The following WDR19 variants were observed in gnomAD, a reference collection of about 807,000 sequenced individuals.
WDR19 encodes the protein WD repeat domain 19.
WDR19 carries 121 observed loss-of-function variants against 180.0 expected under a neutral mutation model. That is an observed-to-expected ratio of 0.67 (90% CI 0.58 to 0.78). WDR19 has a LOEUF of 0.78. Ranked by LOEUF, WDR19 falls within the 30% of genes least tolerant of loss-of-function variation. The pLI is 0.00. For missense variants in WDR19, 1,450 were observed against 1,640.7 expected, an observed-to-expected ratio of 0.88 and a Z score of 2.01; for synonymous variants, 497 against 540.7, an observed-to-expected ratio of 0.92 and a Z score of 1.12.
Position 39,199,675 on chromosome 4 carries a change from C to T in WDR19, c.522+82C>T. Reference sequence around the variant, plus strand: ...AGTTTGTCTGTCAAACTAATCTATACAATTTTTAAAAATCTATATGTGAGG... The same window carrying T: ...AGTTTGTCTGTCAAACTAATCTATATAATTTTTAAAAATCTATATGTGAGG... On this transcript the variant is annotated intron_variant, in intron 6 of 36. Coordinates refer to ENST00000399820, the MANE Select transcript of WDR19 (RefSeq NM_025132.4). 2.6e-6 allele frequency: 3 copies of T among 1,152,018 alleles called. No homozygotes were observed. The South Asian group carries it at 4.2e-5, about 16-fold the overall frequency. The allele number at this position is 1,152,018 out of a possible 1,614,324, so 71.4% of individuals were successfully genotyped here.
chr4:39,260,958 G>A (rs573666883), intron 28 of WDR19, among the ~76,000 whole-genome samples: 1 of 152,120 alleles, frequency 6.6e-6, no homozygotes, highest in South Asian at 2.1e-4. Flanking sequence ...GGGATGTAGG[G>A]GGACACAAAC....
At chr4:39,203,878 G>T (rs1416955737) in intron 7 of WDR19, among the ~76,000 whole-genome samples, 156 bp downstream of exon 7, 1 of 152,208 alleles carries the variant, frequency 6.6e-6, no homozygotes, top group Non-Finnish European at 1.5e-5. Flanking sequence ...GTCCCTAAAA[G>T]TTGTTGTAAT....
chr4:39,194,532 T>A lies in WDR19; in HGVS notation c.291-12T>A. On this transcript the variant is annotated splice_polypyrimidine_tract_variant and intron_variant, in intron 4 of 36. Coordinates refer to ENST00000399820, the MANE Select transcript of WDR19 (RefSeq NM_025132.4). Reference sequence around the variant, plus strand: ...CGTGAATTGTTTAGTAATTTATATCTTAATGTTACAGGGATCAAATGTCTT... The same window carrying A: ...CGTGAATTGTTTAGTAATTTATATCATAATGTTACAGGGATCAAATGTCTT... 1 of 1,566,014 alleles carries A rather than the reference T, an allele frequency of 6.4e-7. No homozygotes were observed. Among genetic ancestry groups the A allele is most frequent in the Non-Finnish European group, 8.8e-7 (1 of 1,141,816 alleles).
chr4:39,283,593 TTATA>T lies in WDR19; in HGVS notation c.*14-1887_*14-1884del, dbSNP rs566315778. On this transcript the variant is annotated intron_variant, in intron 36 of 36. Coordinates refer to ENST00000399820, the MANE Select transcript of WDR19 (RefSeq NM_025132.4). The stretch of plus-strand genomic sequence containing the variant: ...AATTTTGTACTTGATTAATATCCTA[TTATA>T]TATATACACACACACACAAATATAC... Among the ~76,000 whole-genome samples the T allele has an allele frequency of 2.6e-3, 395 of 152,146 alleles. 2 individuals carry two copies. The highest frequency in any genetic ancestry group is 9.1e-3 in the African/African-American group (379 of 41,518).
At chr4:39,225,105 T>G (rs1399376820) in intron 15 of WDR19, 72 bp downstream of exon 15, 19 of 1,271,952 alleles carry the variant, frequency 1.5e-5, no homozygotes, top group Non-Finnish European at 1.9e-5. Flanking sequence ...TTAAAGCCTA[T>G]CTCATGTAAA....
rs1010348531 is a variant in WDR19, at chr4:39,221,005, G to C, written c.1479+2900G>C. On this transcript the variant is annotated intron_variant, in intron 14 of 36. Transcript: ENST00000399820. ...TCAAAGTGCTGGAATTACAGGCATGGGACACAGGAGCCTGGCCTAAATTAT... is the reference window on the plus strand; with the variant it reads ...TCAAAGTGCTGGAATTACAGGCATGCGACACAGGAGCCTGGCCTAAATTAT... Among the ~76,000 whole-genome samples the C allele has an allele frequency of 3.3e-5, 5 of 150,784 alleles. No homozygotes were observed. In the South Asian group the frequency reaches 1.0e-3, roughly 32 times the overall value.
intron 34 of WDR19, 124 bp downstream of exon 34, chr4:39,277,267 A>G: frequency 9.1e-7 from 1 of 1,094,608 alleles, no homozygotes; most frequent in Non-Finnish European, 1.3e-6. Flanking sequence ...TTCCTGCAAC[A>G]TCTAGCATTT....
At chr4:39,279,941 G>A (rs868009774) in intron 36 of WDR19, among the ~76,000 whole-genome samples, 4 of 151,866 alleles carry the variant, frequency 2.6e-5, no homozygotes, top group Admixed American at 1.3e-4. Flanking sequence ...GACTTCATGC[G>A]ATTCGCCGGC....
At position 39,195,484 on chromosome 4, in the gene WDR19, A is replaced by G. The variant is rs184559518; in HGVS notation, c.406+825A>G. On this transcript the variant is annotated intron_variant, in intron 5 of 36. Transcript: ENST00000399820. ...AAATCCTAGTTAAATCTAGATGTGGACTATGAGTTCCATTTGCCTCAGGAT... is the reference window on the plus strand; with the variant it reads ...AAATCCTAGTTAAATCTAGATGTGGGCTATGAGTTCCATTTGCCTCAGGAT... Among the ~76,000 whole-genome samples, 3 of 152,122 alleles carry G rather than the reference A, an allele frequency of 2.0e-5. No homozygotes were observed. In the East Asian group the frequency reaches 5.8e-4, roughly 29 times the overall value.
At chr4:39,285,215 TG>T (rs972460401) in intron 36 of WDR19, among the ~76,000 whole-genome samples, 5 of 144,068 alleles carry the variant, frequency 3.5e-5, no homozygotes, top group African/African-American at 1.1e-4. Context: ...ACTTTGCATT[TG>T]TTCTTCCCAG....
intron 28 of WDR19, among the ~76,000 whole-genome samples, chr4:39,264,266 T>A (rs1734573838): frequency 6.6e-6 from 1 of 152,202 alleles, no homozygotes; most frequent in South Asian, 2.1e-4. Flanking sequence ...GCCTTTGCTT[T>A]AACCATTTCT....
At chr4:39,253,805 A>G (rs1733492883) in intron 25 of WDR19, 101 bp from the exon 26 acceptor site, 2 of 1,008,990 alleles carry the variant, frequency 2.0e-6, no homozygotes, top group Admixed American at 2.7e-5. Flanking sequence ...ACTGCAATTT[A>G]TCTAAAAATT....
Position 39,203,698 on chromosome 4 carries a change from C to G in WDR19, c.579C>G (p.Asp193Glu). 1 of 1,612,516 alleles carries G rather than the reference C, an allele frequency of 6.2e-7. No homozygotes were observed. The highest frequency in any genetic ancestry group is 1.1e-5 in the South Asian group (1 of 90,574). ...AGTTTTTCTTGATGAAGATGGATGA[C>G]CGAACCTCTGCTGCTGAAAGCATGG... The part of the protein sequence containing the change: ...NMQFFLMKMD[D>E]RTSAAESMIS... Residue 193 changes from aspartate to glutamate, a missense_variant, in exon 7 of 37, where the codon GAC becomes GAG. Asp to Glu is a conservative substitution (Grantham distance 45). Coordinates refer to ENST00000399820, the MANE Select transcript of WDR19 (RefSeq NM_025132.4).
At chr4:39,284,195 A>G (rs963837527) in intron 36 of WDR19, among the ~76,000 whole-genome samples, 16 of 151,956 alleles carry the variant, frequency 1.1e-4, no homozygotes, top group African/African-American at 3.9e-4. Context: ...AACTCCAGTA[A>G]TATCTGTGTT....
Position 39,244,316 on chromosome 4 carries a change from G to C in WDR19, c.2490G>C (p.Gly830=), listed in dbSNP as rs763965982. ...TAAGAATGGGAGACATACGTCGAGG[G>C]GTTAACCAAGCCCTCAAGCATCCCA... ...MSIRMGDIRR[G]VNQALKHPSR... Residue 830 remains glycine, a synonymous_variant, in exon 22 of 37, where the codon GGG becomes GGC. Coordinates refer to ENST00000399820, the MANE Select transcript of WDR19 (RefSeq NM_025132.4). The C allele has an allele frequency of 1.9e-6, 3 of 1,613,822 alleles. No individual in the cohort carries two copies. The highest frequency in any genetic ancestry group is 2.5e-6 in the Non-Finnish European group (3 of 1,179,876).
chr4:39,277,250 C>A, intron 34 of WDR19, 107 bp downstream of exon 34: 1 of 1,249,598 alleles, frequency 8.0e-7, no homozygotes, highest in Non-Finnish European at 1.1e-6. Flanking sequence ...AATCTTATCC[C>A]TCAAATTTCC....
At chr4:39,217,868 C>T (rs1269326338) in intron 13 of WDR19, 115 bp from the exon 14 acceptor site, 18 of 1,329,218 alleles carry the variant, frequency 1.4e-5, no homozygotes, top group East Asian at 2.3e-5. Flanking sequence ...ACTGACCTCT[C>T]GTAGTCTTGG....
Position 39,255,964 on chromosome 4 carries a change from A to G in WDR19, c.3114+4A>G. ...GCTGTGTGGCCAATATTCACGAGTT[A>G]GTATTTGCCAAGAAAATATACACTG... On this transcript the variant is annotated splice_donor_region_variant and intron_variant, in intron 27 of 36. Transcript: ENST00000399820. The G allele has an allele frequency of 6.7e-7, 1 of 1,491,786 alleles. No individual in the cohort carries two copies. The highest frequency in any genetic ancestry group is 9.0e-7 in the Non-Finnish European group (1 of 1,112,136). The allele number at this position is 1,491,786 out of a possible 1,614,324, so 92.4% of individuals were successfully genotyped here.
At chr4:39,280,828 C>T (rs1242044549) in intron 36 of WDR19, among the ~76,000 whole-genome samples, 1 of 152,194 alleles carries the variant, frequency 6.6e-6, no homozygotes, top group Non-Finnish European at 1.5e-5. Context: ...TGAAGATTTA[C>T]ACCTGTTTCC....
Sources: gnomAD v4.1 joint callset for allele counts (sites outside exome capture counted in the v4.1 genomes callset) on GRCh38, gnomAD v4.1.1 for gene constraint, MANE v1.5 for transcripts, NCBI Gene and HGNC (gene_info 2026-07-23, HGNC 2026-07-21) for gene names.